The following ADK variants were observed in gnomAD, a reference collection of about 807,000 sequenced individuals.
ADK encodes N6,N6-dimethyladenosine kinase.
A neutral mutation model predicts 44.7 loss-of-function variants in ADK; 24 were observed. The observed-to-expected ratio is 0.54, with a 90% CI of 0.39 to 0.76. The LOEUF is 0.76. ADK is among the 30% of genes least tolerant of loss of function. The probability of loss-of-function intolerance (pLI) is 0.00; values close to 1 mark genes in which losing one functional copy is unlikely to be tolerated. For synonymous variants in ADK, 128 were observed against 142.6 expected, an observed-to-expected ratio of 0.90 and a Z score of 0.73; for missense variants, 321 against 425.1, an observed-to-expected ratio of 0.76 and a Z score of 2.15.
intron 7 of ADK, among the ~76,000 whole-genome samples, chr10:74,525,689 T>C: frequency 6.6e-6 from 1 of 152,068 alleles, no homozygotes; most frequent in East Asian, 1.9e-4. Context: ...AGTTTCCCTC[T>C]TTTCATCCAG....
chr10:74,506,962 A>G (rs1032361926), intron 6 of ADK, among the ~76,000 whole-genome samples: 1 of 152,224 alleles, frequency 6.6e-6, no homozygotes, highest in Non-Finnish European at 1.5e-5. Context: ...AAATTTTTAC[A>G]CACAAGTGGA....
At chr10:74,218,423 GA>G in intron 2 of ADK, among the ~76,000 whole-genome samples, 1 of 152,284 alleles carries the variant, frequency 6.6e-6, no homozygotes, top group Admixed American at 6.5e-5. Context: ...GGGGAGAATG[GA>G]ACCAAGTTGG....
intron 4 of ADK, among the ~76,000 whole-genome samples, chr10:74,388,202 C>T (rs919919999): frequency 1.3e-5 from 2 of 152,172 alleles, no homozygotes; most frequent in African/African-American, 2.4e-5. Flanking sequence ...CCACTGCACA[C>T]GGCCTTGTTT....
At chr10:74,313,934 G>A (rs1425943132) in intron 3 of ADK, among the ~76,000 whole-genome samples, 1 of 151,334 alleles carries the variant, frequency 6.6e-6, no homozygotes, top group Non-Finnish European at 1.5e-5. Flanking sequence ...GATTGCTCAG[G>A]TAATCCATCC....
chr10:74,617,936 T>G (rs1852838397), intron 9 of ADK, among the ~76,000 whole-genome samples: 1 of 152,142 alleles, frequency 6.6e-6, no homozygotes, highest in Non-Finnish European at 1.5e-5. Context: ...GTATATAAAT[T>G]TATAATTCTC....
intron 4 of ADK, among the ~76,000 whole-genome samples, chr10:74,370,603 G>T (rs998524077): frequency 1.4e-4 from 22 of 152,058 alleles, no homozygotes; most frequent in Non-Finnish European, 3.2e-4. Context: ...CTTTTTGCCA[G>T]ATTTCTACAG....
At position 74,409,104 on chromosome 10, in the gene ADK, G is replaced by C. The variant is rs190930382; in HGVS notation, c.555+10525G>C. 1.3e-3 allele frequency among the ~76,000 whole-genome samples: 203 copies of C among 152,268 alleles called. 1 individual carries two copies. The highest frequency in any genetic ancestry group is 3.3e-3 in the Admixed American group (50 of 15,284). ...CTAAGATATAGTTGTTCATCTATGT[G>C]TAATTACTAGTTTTGTAATTTTTTG... On this transcript the variant is annotated intron_variant, in intron 6 of 10. Coordinates refer to ENST00000539909, the MANE Select transcript of ADK (RefSeq NM_006721.4).
intron 6 of ADK, among the ~76,000 whole-genome samples, chr10:74,480,801 A>G (rs1270468821): frequency 6.6e-6 from 1 of 152,184 alleles, no homozygotes; most frequent in Non-Finnish European, 1.5e-5. Context: ...TGCCTTGCAC[A>G]TGCTTTTACA....
chr10:74,459,452 C>G (rs371924748), intron 6 of ADK, among the ~76,000 whole-genome samples: 1 of 151,736 alleles, frequency 6.6e-6, no homozygotes, highest in Non-Finnish European at 1.5e-5. Flanking sequence ...TAGGCTCAGC[C>G]GGGTGCGGTG....
intron 6 of ADK, among the ~76,000 whole-genome samples, chr10:74,497,292 G>A (rs1589172547): frequency 1.3e-5 from 2 of 152,280 alleles, no homozygotes; most frequent in South Asian, 4.1e-4. Flanking sequence ...TAGTTGTTTT[G>A]AAGTTTGGGC....
intron 6 of ADK, among the ~76,000 whole-genome samples, chr10:74,399,324 C>G (rs1343000826): frequency 1.3e-5 from 2 of 150,672 alleles, no homozygotes; most frequent in Non-Finnish European, 3.0e-5. Context: ...ATTACCTGAG[C>G]TCTGTGAAAT....
At chr10:74,385,283 G>A (rs1843106271) in intron 4 of ADK, among the ~76,000 whole-genome samples, 1 of 152,136 alleles carries the variant, frequency 6.6e-6, no homozygotes, top group Non-Finnish European at 1.5e-5. Context: ...GTAAAAGTGT[G>A]TCAATTTAAT....
chr10:74,506,050 A>G (rs547459968), intron 6 of ADK: 1 of 152,346 alleles, frequency 6.6e-6, no homozygotes, highest in African/African-American at 2.4e-5. Flanking sequence ...CTGACATTAA[A>G]TTCTCCAGCT....
intron 3 of ADK, among the ~76,000 whole-genome samples, chr10:74,269,712 G>A (rs1846353220): frequency 6.6e-6 from 1 of 152,166 alleles, no homozygotes; most frequent in South Asian, 2.1e-4. Context: ...CAGATCACTT[G>A]AGCTCAGGAG....
chr10:74,373,255 A>G (rs1055201105), intron 4 of ADK, among the ~76,000 whole-genome samples: 5 of 152,142 alleles, frequency 3.3e-5, no homozygotes, highest in Admixed American at 6.5e-5. Context: ...GGCATGGGAT[A>G]TGAGCTGGCA....
At chr10:74,665,241 A>T (rs1010676817) in intron 9 of ADK, among the ~76,000 whole-genome samples, 3 of 152,206 alleles carry the variant, frequency 2.0e-5, no homozygotes, top group Non-Finnish European at 4.4e-5. Context: ...ATAGTTTTTT[A>T]AAAGAAACAA....
At chr10:74,316,577 C>T (rs1459949566) in intron 4 of ADK, among the ~76,000 whole-genome samples, 3 of 152,190 alleles carry the variant, frequency 2.0e-5, no homozygotes, top group Non-Finnish European at 2.9e-5. Context: ...AAAGAAGATG[C>T]CTTTCTTCTC....
chr10:74,511,275 T>C (rs1589194416), intron 6 of ADK, among the ~76,000 whole-genome samples: 1 of 152,328 alleles, frequency 6.6e-6, no homozygotes, highest in Non-Finnish European at 1.5e-5. Flanking sequence ...CTTTGTGATA[T>C]ATTTTGAGGT....
At chr10:74,166,839 C>T (rs963568035) in intron 1 of ADK, among the ~76,000 whole-genome samples, 1 of 152,074 alleles carries the variant, frequency 6.6e-6, no homozygotes, top group Admixed American at 6.6e-5. Flanking sequence ...TGAGGAACTT[C>T]TGGTTACAAA....
Sources: gnomAD v4.1 joint callset for allele counts (sites outside exome capture counted in the v4.1 genomes callset) on GRCh38, gnomAD v4.1.1 for gene constraint, MANE v1.5 for transcripts, NCBI Gene and HGNC (gene_info 2026-07-23, HGNC 2026-07-21) for gene names.